CDAN1: variants seen among roughly 807,000 people sequenced by gnomAD.
The protein encoded by CDAN1 is codanin-1.
Under a neutral mutation model 139.8 loss-of-function variants are expected in CDAN1, and 107 were observed. The observed-to-expected ratio is 0.77, with a 90% CI of 0.65 to 0.90. The LOEUF (loss-of-function observed/expected upper bound fraction) is 0.90. Ranked by LOEUF, CDAN1 falls within the 40% of genes least tolerant of loss-of-function variation. The probability of loss-of-function intolerance (pLI) is 0.00; values close to 1 mark genes in which losing one functional copy is unlikely to be tolerated. For missense variants in CDAN1, 1,667 were observed against 1,575.7 expected (o/e 1.06, Z -0.98); for synonymous variants, 776 against 660.6 (o/e 1.17, Z -2.68).
rs1052590251 is a variant in CDAN1 at position 42,734,121 on chromosome 15, G to A, written c.1258-74C>T. ...CTTCTCCCTCTTATTCTTGCCCAGA[G>A]TTAGCTCACATTACACTGAAGTGTC... is the stretch of plus-strand genomic sequence containing the variant. On this transcript the variant is annotated intron_variant, in intron 7 of 27. Transcript: ENST00000356231. 4.4e-6 allele frequency: 7 copies of A among 1,597,862 alleles called. No homozygotes were observed. In the African/African-American group the frequency reaches 6.7e-5, roughly 15 times the overall value.
rs866710253 is a variant in CDAN1 at position 42,724,538 on chromosome 15, A to T, written c.3637T>A (p.Cys1213Ser). 1 of 1,565,762 alleles carries T rather than the reference A, an allele frequency of 6.4e-7. No homozygotes were observed. ...CCCCGGTTTGGCTGCACCAACTCACAGGCTCTTAGCTGGGGTTCTGGCAGG... is the reference window on the plus strand; with the variant it reads ...CCCCGGTTTGGCTGCACCAACTCACTGGCTCTTAGCTGGGGTTCTGGCAGG... ...PHLPEPQLRA[C>S]ELVQPNRGTV... The change falls in exon 28 of 28, where the codon TGT becomes AGT. Residue 1213 changes from cysteine to serine, a missense_variant. This residue lies in a region of CDAN1 where 936 missense variants were observed against 844.1 expected (regional missense o/e 1.11). Coordinates refer to ENST00000356231, the MANE Select transcript of CDAN1 (RefSeq NM_138477.4).
intron 25 of CDAN1, 28 bp downstream of exon 25, chr15:42,726,069 A>G: frequency 6.2e-7 from 1 of 1,602,948 alleles, no homozygotes; most frequent in Non-Finnish European, 8.5e-7. Context: ...ATCAGGCAAG[A>G]GAGGGATTTG....
intron 11 of CDAN1, 142 bp from the exon 12 acceptor site, chr15:42,731,473 AGAAT>A: frequency 7.1e-7 from 1 of 1,405,078 alleles, no homozygotes; most frequent in Non-Finnish European, 1.0e-6. Flanking sequence ...CGTGGGTGAC[AGAAT>A]GAGAAGTGCA....
rs145610572 is a variant in CDAN1, at chr15:42,729,234, G to A, written c.2536C>T (p.Leu846=). The A allele has an allele frequency of 2.6e-4, 407 of 1,557,410 alleles. 1 individual carries two copies. Among genetic ancestry groups the A allele is most frequent in the Non-Finnish European group, 3.1e-4 (351 of 1,145,790 alleles). ...GAQPSQTSQG[L]QAQLAQAFFH... ...TGTCTCCGCCCTGCCCTTACCTGCA[G>A]CCCCTGGCTGGTCTGGGAAGGCTGG... Residue 846 remains leucine (L), a synonymous_variant, in exon 18 of 28, where the codon CTG becomes TTG. Coordinates refer to ENST00000356231, the MANE Select transcript of CDAN1 (RefSeq NM_138477.4).
chr15:42,730,146 G>A lies in CDAN1; in HGVS notation c.2244C>T (p.Val748=), dbSNP rs1463475280. The part of the protein sequence containing the change: ...CFLNKLLLLA[V]LGWLFQIPTV... The stretch of plus-strand genomic sequence containing the variant: ...TGCCCACCTGGAAAAGCCAGCCCAG[G>A]ACAGCAAGTAGCAGCAGCTTGTTCA... Residue 748 remains valine (V), a synonymous_variant, in exon 15 of 28, where the codon GTC becomes GTT. Transcript: ENST00000356231. 3.1e-6 allele frequency: 5 copies of A among 1,614,000 alleles called. No homozygotes were observed. The highest frequency in any genetic ancestry group is 1.6e-4 in the Middle Eastern group (1 of 6,084).
chr15:42,730,061 G>C, intron 15 of CDAN1, 67 bp downstream of exon 15: 1 of 1,463,464 alleles, frequency 6.8e-7, no homozygotes, highest in South Asian at 1.1e-5. Context: ...TTCGCACTCA[G>C]ACATTTGCCC....
rs751778010 is a variant in CDAN1, at chr15:42,730,987, G to A, written c.1945C>T (p.Arg649Trp). ...FLGFVAFLPY[R>W]GPEPPPTGEL... Reference sequence around the variant, plus strand: ...CCGGTCGGGGGAGGTTCAGGCCCCCGGTATGGCAGGAAAGCCACAAAGCCC... The same window carrying A: ...CCGGTCGGGGGAGGTTCAGGCCCCCAGTATGGCAGGAAAGCCACAAAGCCC... The change falls in exon 13 of 28, where the codon CGG becomes TGG. Residue 649 changes from arginine to tryptophan, a missense_variant. By Grantham distance (101) the Arg-to-Trp change is moderately radical (BLOSUM62 -3). Transcript: ENST00000356231. 53 of 1,614,030 alleles carry A rather than the reference G, an allele frequency of 3.3e-5. No homozygotes were observed. Among genetic ancestry groups the A allele is most frequent in the African/African-American group, 9.3e-5 (7 of 74,916 alleles).
At chr15:42,733,845 T>A (rs1184838805) in intron 8 of CDAN1, 93 bp downstream of exon 8, 1 of 946,838 alleles carries the variant, frequency 1.1e-6, no homozygotes, top group African/African-American at 1.6e-5. Context: ...CACCTGTTGG[T>A]GCCAAACTCC....
chr15:42,731,880 G>A, intron 10 of CDAN1, 55 bp from the exon 11 acceptor site: 1 of 1,461,152 alleles, frequency 6.8e-7, no homozygotes, highest in Non-Finnish European at 9.6e-7. Context: ...GGGAGGGAAG[G>A]ACTGAACAAA....
Position 42,725,242 on chromosome 15 carries a change from G to GCAAGT in CDAN1, c.3455_3459dup (p.Leu1154ThrfsTer15). On this transcript the variant is annotated frameshift_variant, in exon 27 of 28. Coordinates refer to ENST00000356231, the MANE Select transcript of CDAN1 (RefSeq NM_138477.4). LOFTEE classifies it high-confidence loss of function. Reference sequence around the variant, plus strand: ...ACCAGCTCCCGTAGCAAGAATAGCAGCAAGTCCCACTGCAAAACACACCGA... The same window carrying GCAAGT: ...ACCAGCTCCCGTAGCAAGAATAGCAGCAAGTCAAGTCCCACTGCAAAACACACCGA... 6.2e-7 allele frequency: 1 copy of GCAAGT among 1,614,096 alleles called. No individual in the cohort carries two copies. The highest frequency in any genetic ancestry group is 8.5e-7 in the Non-Finnish European group (1 of 1,179,942).
intron 24 of CDAN1, 48 bp downstream of exon 24, chr15:42,726,262 C>A (rs1310725322): frequency 6.3e-7 from 1 of 1,595,608 alleles, no homozygotes; most frequent in Admixed American, 1.8e-5. Flanking sequence ...TCAGGTCTCA[C>A]ACAAGGACAC....
At position 42,731,733 on chromosome 15, in the gene CDAN1, CA is replaced by C. The variant is rs1449299883; in HGVS notation, c.1625del (p.Leu542CysfsTer50). On this transcript the variant is annotated frameshift_variant, in exon 11 of 28. Transcript: ENST00000356231. LOFTEE classifies it high-confidence loss of function. Reference protein sequence around the residue: ...SMLGADKLGRLWRLQERLMAP... With the variant: ...SMLGADKLGRXWRLQERLMAP... ...CCATAAGCCGTTCCTGTAGGCGCCA[CA>C]ACCGCCCCAGCTTGTCAGCTCCCAG... 7 of 1,614,190 alleles carry C rather than the reference CA, an allele frequency of 4.3e-6. No individual in the cohort carries two copies. The highest frequency in any genetic ancestry group is 5.9e-6 in the Non-Finnish European group (7 of 1,180,044).
chr15:42,734,422 G>A (rs1218385388), intron 6 of CDAN1, 76 bp from the exon 7 acceptor site: 12 of 1,584,814 alleles, frequency 7.6e-6, no homozygotes, highest in Non-Finnish European at 1.0e-5. Context: ...GCACACCACA[G>A]AGGATCTCTA....
In CDAN1 at chr15:42,724,364, A is replaced by C; in HGVS notation, c.*127T>G. On this transcript the variant is annotated 3_prime_UTR_variant, in exon 28 of 28. Coordinates refer to ENST00000356231, the MANE Select transcript of CDAN1 (RefSeq NM_138477.4). ...TGCCAGGCAGTGACACCCTTAGAGCAGGAAGTCTGACTGTAGACCCAGCTA... is the reference window on the plus strand; with the variant it reads ...TGCCAGGCAGTGACACCCTTAGAGCCGGAAGTCTGACTGTAGACCCAGCTA... The C allele has an allele frequency of 7.9e-7, 1 of 1,263,198 alleles. No homozygotes were observed. The highest frequency in any genetic ancestry group is 1.3e-5 in the South Asian group (1 of 77,908). 78.2% of individuals were successfully genotyped at this position (1,263,198 alleles called of 1,614,324 possible). A position where few individuals can be genotyped will look rare whatever the true frequency, so the allele number is the denominator to read the frequency against.
At chr15:42,727,803 C>G (rs747575368) in intron 22 of CDAN1, 34 bp from the exon 23 acceptor site, 11 of 1,609,504 alleles carry the variant, frequency 6.8e-6, no homozygotes, top group East Asian at 4.5e-5. Flanking sequence ...AAAGGAATCA[C>G]GGGAGGGCCC....
intron 23 of CDAN1, 112 bp from the exon 24 acceptor site, chr15:42,726,529 G>T: frequency 1.2e-6 from 1 of 826,508 alleles, no homozygotes; most frequent in Admixed American, 2.1e-5. Context: ...TGGGCCCCGG[G>T]ATATGGTGAG....
Position 42,724,413 on chromosome 15 carries a change from ATTGGGCAC to A in CDAN1, c.*70_*77del, listed in dbSNP as rs1433973654. 3 of 1,535,102 alleles carry A rather than the reference ATTGGGCAC, an allele frequency of 2.0e-6. No individual in the cohort carries two copies. Among genetic ancestry groups the A allele is most frequent in the African/African-American group, 2.7e-5 (2 of 72,888 alleles). The stretch of plus-strand genomic sequence containing the variant: ...TACACCCCAACCAGTGAGGGTCTGC[ATTGGGCAC>A]TTGGGCCTCCTCGTGAGGCGGGGGT... On this transcript the variant is annotated 3_prime_UTR_variant, in exon 28 of 28. Transcript: ENST00000356231.
rs199956917 is a variant in CDAN1 at position 42,731,308 on chromosome 15, A to G, written c.1763T>C (p.Met588Thr). 5.6e-5 allele frequency: 90 copies of G among 1,614,086 alleles called. No individual in the cohort carries two copies. In the East Asian group the frequency reaches 6.5e-4, roughly 12 times the overall value. The change falls in exon 12 of 28, where the codon ATG becomes ACG. Residue 588 changes from methionine to threonine, a missense_variant. Met to Thr is a moderately conservative substitution (Grantham distance 81). Coordinates refer to ENST00000356231, the MANE Select transcript of CDAN1 (RefSeq NM_138477.4). ...ASSFQFNQHLMDSLSLKIQEL... is the reference protein window; with the variant it reads ...ASSFQFNQHLTDSLSLKIQEL... Reference sequence around the variant, plus strand: ...CTGGATCTTCAAGCTCAGACTGTCCATGAGATGCTGGTTAAACTGGAAGCT... The same window carrying G: ...CTGGATCTTCAAGCTCAGACTGTCCGTGAGATGCTGGTTAAACTGGAAGCT...
Position 42,736,418 on chromosome 15 carries a change from C to G in CDAN1, c.453G>C (p.Arg151=), listed in dbSNP as rs2061688717. 5.0e-6 allele frequency: 8 copies of G among 1,605,872 alleles called. No individual in the cohort carries two copies. Among genetic ancestry groups the G allele is most frequent in the Non-Finnish European group, 5.1e-6 (6 of 1,176,416 alleles). Residue 151 remains arginine (R), a synonymous_variant, in exon 2 of 28, where the codon CGG becomes CGC. Transcript: ENST00000356231. The stretch of plus-strand genomic sequence containing the variant: ...TGGGGCTGCCAGAGCCCCTAAGCCT[C>G]CGGCCCCCGGCTCCGGGCAGGCTCT... ...SGESLPGAGG[R]RLRGSGSPSR...
Sources: gnomAD v4.1 joint callset for allele counts on GRCh38, gnomAD v4.1.1 for gene constraint, gnomAD v4.1.1 regional missense constraint, MANE v1.5 for transcripts, NCBI Gene and HGNC (gene_info 2026-07-23, HGNC 2026-07-21) for gene names.